CLYBL: variants seen among roughly 807,000 people sequenced by gnomAD.
CLYBL encodes citramalyl-CoA lyase, also known as citramalyl-CoA lyase, mitochondrial.
A neutral mutation model predicts 38.9 loss-of-function variants in CLYBL; 31 were observed. That is an observed-to-expected ratio of 0.80 (90% CI 0.60 to 1.08). The LOEUF (loss-of-function observed/expected upper bound fraction) is 1.08. Among genes scored for constraint, CLYBL ranks in the 50% least tolerant of loss-of-function variants. The pLI, the probability that CLYBL is intolerant of heterozygous loss-of-function variation, is 0.00. For missense variants in CLYBL, 434 were observed against 411.6 expected, an observed-to-expected ratio of 1.05 and a Z score of -0.47; for synonymous variants, 171 against 158.6, an observed-to-expected ratio of 1.08 and a Z score of -0.59.
chr13:99,609,689 A>G (rs1244373354), intron 1 of CLYBL, among the ~76,000 whole-genome samples: 1 of 151,912 alleles, frequency 6.6e-6, no homozygotes, highest in East Asian at 1.9e-4. Flanking sequence ...GGTGTGCACC[A>G]CTGCACCTGG....
intron 1 of CLYBL, 133 bp downstream of exon 1, chr13:99,606,890 C>T (rs1391810183): frequency 7.7e-5 from 97 of 1,261,502 alleles, no homozygotes; most frequent in Non-Finnish European, 9.3e-5. Context: ...CACCATGCGC[C>T]TCCCACGCGC....
intron 1 of CLYBL, among the ~76,000 whole-genome samples, chr13:99,633,233 A>AAAGAG (rs1426624441): frequency 6.8e-6 from 1 of 147,414 alleles, no homozygotes; most frequent in Non-Finnish European, 1.5e-5. Context: ...AAAAAAAAAA[A>AAAGAG]AAGAGAAGAG....
intron 2 of CLYBL, among the ~76,000 whole-genome samples, chr13:99,832,773 T>G (rs1290230767): frequency 2.0e-5 from 3 of 150,252 alleles, no homozygotes; most frequent in Non-Finnish European, 4.4e-5. Context: ...ACATCAGTAA[T>G]GGATCCATAG....
chr13:99,695,565 G>A (rs1452563144), intron 1 of CLYBL, among the ~76,000 whole-genome samples: 3 of 152,030 alleles, frequency 2.0e-5, no homozygotes, highest in African/African-American at 7.2e-5. Context: ...TGTCGCCCAG[G>A]CTGGAGTGCA....
intron 1 of CLYBL, among the ~76,000 whole-genome samples, chr13:99,755,585 G>A (rs1021540117): frequency 2.0e-5 from 3 of 152,206 alleles, no homozygotes; most frequent in Non-Finnish European, 4.4e-5. Context: ...CTGCCAAAGG[G>A]TCAGTCGAAA....
chr13:99,646,161 A>G (rs1429539128), intron 1 of CLYBL, among the ~76,000 whole-genome samples: 1 of 152,218 alleles, frequency 6.6e-6, no homozygotes, highest in South Asian at 2.1e-4. Flanking sequence ...CAAAGAAGCA[A>G]CTTATTGGTG....
At chr13:99,731,083 A>C (rs1240604115) in intron 1 of CLYBL, among the ~76,000 whole-genome samples, 1 of 68,944 alleles carries the variant, frequency 1.5e-5, no homozygotes, top group Admixed American at 1.6e-4. Flanking sequence ...ACTCTGTTTC[A>C]AAAAAAAAAA....
chr13:99,766,108 C>T (rs1057114131), intron 1 of CLYBL, among the ~76,000 whole-genome samples: 2 of 152,176 alleles, frequency 1.3e-5, no homozygotes, highest in Non-Finnish European at 2.9e-5. Flanking sequence ...CTGCTTCAGC[C>T]TCCCAAAGTG....
chr13:99,648,733 T>G (rs2047211022), intron 1 of CLYBL, among the ~76,000 whole-genome samples: 2 of 152,210 alleles, frequency 1.3e-5, no homozygotes, highest in South Asian at 4.1e-4. Context: ...GAAAATGTAC[T>G]TTTCTTACTC....
chr13:99,727,281 G>A (rs1212929298), intron 1 of CLYBL: 2 of 152,104 alleles, frequency 1.3e-5, no homozygotes, highest in African/African-American at 4.8e-5. Context: ...ACTTCCTACA[G>A]TGGATTTCTC....
intron 2 of CLYBL, among the ~76,000 whole-genome samples, chr13:99,835,765 C>G (rs762180866): frequency 4.6e-5 from 7 of 152,126 alleles, no homozygotes; most frequent in Admixed American, 2.6e-4. Context: ...TGATGAAGGC[C>G]TTTTTCCCCC....
At chr13:99,672,107 C>T (rs887464724) in intron 1 of CLYBL, among the ~76,000 whole-genome samples, 1 of 152,132 alleles carries the variant, frequency 6.6e-6, no homozygotes, top group Admixed American at 6.5e-5. Flanking sequence ...AGCTGTCGTC[C>T]CTCTTGTTAG....
intron 2 of CLYBL, among the ~76,000 whole-genome samples, chr13:99,856,164 T>C (rs1566355941): frequency 6.6e-6 from 1 of 152,218 alleles, no homozygotes; most frequent in Non-Finnish European, 1.5e-5. Context: ...GCTGAAACCA[T>C]GGCAATCCGA....
At position 99,764,224 on chromosome 13, in the gene CLYBL, A is replaced by AT. The variant is rs200910124; in HGVS notation, c.63-8590dup. 3.2e-3 allele frequency among the ~76,000 whole-genome samples: 478 copies of AT among 149,202 alleles called. 6 individuals carry two copies. In the East Asian group the frequency reaches 0.042, roughly 13 times the overall value. ...AGATGTGTACCACCATGCCTGGCTA[A>AT]TTTTTTTTTTCTTTTCTTTTGGGTA... On this transcript the variant is annotated intron_variant, in intron 1 of 8. Transcript: ENST00000339105.
At chr13:99,739,165 G>C (rs2806282) in intron 1 of CLYBL, among the ~76,000 whole-genome samples, 8,644 of 152,148 alleles carry the variant, frequency 0.057, 288 homozygotes, top group East Asian at 0.11. Flanking sequence ...TTTATAAATG[G>C]TTTTATTTGG....
intron 1 of CLYBL, among the ~76,000 whole-genome samples, chr13:99,700,219 G>A (rs954065027): frequency 1.3e-5 from 2 of 152,050 alleles, no homozygotes; most frequent in African/African-American, 2.4e-5. Flanking sequence ...TTGGGAGGCC[G>A]AGGCATGCGG....
chr13:99,661,126 C>A (rs1233486972), intron 1 of CLYBL, among the ~76,000 whole-genome samples: 4 of 152,062 alleles, frequency 2.6e-5, no homozygotes, highest in East Asian at 3.8e-4. Context: ...AAAATAATTT[C>A]TTCTTTAACA....
In CLYBL at chr13:99,849,098, C is replaced by T. The variant is rs1254777823; in HGVS notation, c.250-9763C>T. ...AGGCTGCAGTGAGCCGAGATCGTGC[C>T]ATTACACTCCAGCCTAAGAGACACG... On this transcript the variant is annotated intron_variant, in intron 2 of 8. Transcript: ENST00000339105. The surrounding 1 kb of genome is among the most constrained non-coding windows in gnomAD (Gnocchi z 4.9). Among the ~76,000 whole-genome samples the T allele has an allele frequency of 6.6e-6, 1 of 150,704 alleles. No individual in the cohort carries two copies. Among genetic ancestry groups the T allele is most frequent in the East Asian group, 1.9e-4 (1 of 5,130 alleles).
At chr13:99,690,636 A>G (rs539801589) in intron 1 of CLYBL, 1 of 152,146 alleles carries the variant, frequency 6.6e-6, no homozygotes, top group African/African-American at 2.4e-5. Context: ...CCTTCCGAGG[A>G]TGCTGGTATT....
Sources: gnomAD v4.1 joint callset for allele counts (sites outside exome capture counted in the v4.1 genomes callset) on GRCh38, gnomAD v4.1.1 for gene constraint, Gnocchi (gnomAD v3.1) non-coding constraint, MANE v1.5 for transcripts, NCBI Gene and HGNC (gene_info 2026-07-23, HGNC 2026-07-21) for gene names.